SDK1: variants seen among roughly 807,000 people sequenced by gnomAD.
SDK1 encodes the protein protein sidekick-1.
A neutral mutation model predicts 245.5 loss-of-function variants in SDK1; 157 were observed. The ratio of observed to expected loss-of-function variants is 0.64; its 90% CI spans 0.56 to 0.73. SDK1 has a LOEUF of 0.73. Ranked by LOEUF, SDK1 falls within the 30% of genes least tolerant of loss-of-function variation. The probability of loss-of-function intolerance (pLI) is 0.00; values close to 1 mark genes in which losing one functional copy is unlikely to be tolerated. For missense variants in SDK1, 3,583 were observed against 3,002.3 expected, an observed-to-expected ratio of 1.19 and a Z score of -4.52; for synonymous variants, 1,647 against 1,278.5, an observed-to-expected ratio of 1.29 and a Z score of -6.15.
intron 19 of SDK1, among the ~76,000 whole-genome samples, chr7:4,060,617 T>C (rs1233319588): frequency 1.3e-5 from 2 of 152,136 alleles, no homozygotes; most frequent in Non-Finnish European, 2.9e-5. Flanking sequence ...TGGTAGTTTC[T>C]TTTGCTGTGC....
intron 1 of SDK1, among the ~76,000 whole-genome samples, chr7:3,391,722 C>T (rs1023240472): frequency 5.3e-5 from 8 of 150,390 alleles, no homozygotes; most frequent in South Asian, 2.1e-4. Flanking sequence ...CTGCAACCTC[C>T]GCTTGCCAGG....
chr7:4,104,473 T>C (rs1025717595), intron 22 of SDK1, among the ~76,000 whole-genome samples: 1 of 152,350 alleles, frequency 6.6e-6, no homozygotes, highest in Admixed American at 6.5e-5. Context: ...TGCTACCTCA[T>C]AGAAGATTGT....
intron 1 of SDK1, among the ~76,000 whole-genome samples, chr7:3,576,932 A>G (rs1278260326): frequency 6.6e-6 from 1 of 152,034 alleles, no homozygotes; most frequent in African/African-American, 2.4e-5. Context: ...CTGGTCGGGC[A>G]CCTGAAGAAA....
At chr7:3,494,538 TTATG>T (rs1781963707) in intron 1 of SDK1, among the ~76,000 whole-genome samples, 3 of 152,218 alleles carry the variant, frequency 2.0e-5, no homozygotes, top group Admixed American at 2.0e-4. Context: ...CACAGTGATG[TTATG>T]TATGAAGTGT....
At chr7:3,445,752 T>C (rs569701014) in intron 1 of SDK1, among the ~76,000 whole-genome samples, 20 of 152,272 alleles carry the variant, frequency 1.3e-4, no homozygotes, top group African/African-American at 4.6e-4. Flanking sequence ...AAGAATCACA[T>C]TAGACAATAT....
intron 1 of SDK1, among the ~76,000 whole-genome samples, chr7:3,494,925 C>G (rs56228709): frequency 0.097 from 14,704 of 152,242 alleles, 970 homozygotes; most frequent in African/African-American, 0.18. Flanking sequence ...TATCTGCAAC[C>G]ATGACCTCCC....
At chr7:3,797,427 C>T (rs1778988365) in intron 4 of SDK1, among the ~76,000 whole-genome samples, 1 of 150,468 alleles carries the variant, frequency 6.6e-6, no homozygotes, top group Non-Finnish European at 1.5e-5. Context: ...TAGCCCTATA[C>T]AGCCATGTAC....
intron 1 of SDK1, among the ~76,000 whole-genome samples, chr7:3,529,593 G>A (rs67955951): frequency 0.36 from 54,766 of 151,850 alleles, 10,195 homozygotes; most frequent in African/African-American, 0.46. Context: ...AATGGCTGAG[G>A]AAGGAAGGAG....
At chr7:3,953,167 A>T (rs553646279) in intron 7 of SDK1, among the ~76,000 whole-genome samples, 1 of 136,386 alleles carries the variant, frequency 7.3e-6, no homozygotes, top group Admixed American at 7.7e-5. Context: ...TTTGCAAAAT[A>T]AGGAAAAAAA....
chr7:3,355,573 C>A (rs947026378), intron 1 of SDK1, among the ~76,000 whole-genome samples: 1 of 152,162 alleles, frequency 6.6e-6, no homozygotes, highest in Non-Finnish European at 1.5e-5. Flanking sequence ...TAGATCTTCC[C>A]CATTCTTCTC....
chr7:4,210,911 A>T (rs979108452), intron 38 of SDK1, among the ~76,000 whole-genome samples: 6 of 152,186 alleles, frequency 3.9e-5, no homozygotes, highest in Non-Finnish European at 8.8e-5. Flanking sequence ...AAGAGACCGG[A>T]GTGACAAGGG....
intron 4 of SDK1, among the ~76,000 whole-genome samples, chr7:3,793,506 C>T (rs1159577080): frequency 6.6e-6 from 1 of 152,188 alleles, no homozygotes; most frequent in Non-Finnish European, 1.5e-5. Context: ...AGATAGTCTT[C>T]AGGTTTCTTT....
Position 4,210,105 on chromosome 7 carries a change from G to A in SDK1, c.5482G>A (p.Ala1828Thr). The A allele has an allele frequency of 6.2e-7, 1 of 1,609,864 alleles. No individual in the cohort carries two copies. The highest frequency in any genetic ancestry group is 8.5e-7 in the Non-Finnish European group (1 of 1,178,362). Reference protein sequence around the residue: ...LNVSWGEPAAANGILQGYRVV... With the variant: ...LNVSWGEPAATNGILQGYRVV... ...CGTGTCCTGGGGCGAGCCTGCGGCG[G>A]CCAACGGCATCCTGCAGGGCTATCG... The change falls in exon 38 of 45, where the codon GCC becomes ACC. Residue 1828 changes from alanine to threonine, a missense_variant. Physicochemically the swap from Ala to Thr is moderately conservative, Grantham distance 58. Transcript: ENST00000404826.
At position 3,809,061 on chromosome 7, in the gene SDK1, A is replaced by C. The variant is rs41880; in HGVS notation, c.714-12389A>C. Among the ~76,000 whole-genome samples, 5 of 152,036 alleles carry C rather than the reference A, an allele frequency of 3.3e-5. No individual in the cohort carries two copies. The East Asian group carries it at 9.7e-4, about 29-fold the overall frequency. Reference sequence around the variant, plus strand: ...AAGACGGGGTAATTTATAAAGAAAAAGGGTTGAATTGGCTCGTAGATCTGC... The same window carrying C: ...AAGACGGGGTAATTTATAAAGAAAACGGGTTGAATTGGCTCGTAGATCTGC... On this transcript the variant is annotated intron_variant, in intron 4 of 44. Coordinates refer to ENST00000404826, the MANE Select transcript of SDK1 (RefSeq NM_152744.4).
chr7:4,196,606 C>G (rs1037826024), intron 35 of SDK1, among the ~76,000 whole-genome samples: 1 of 152,142 alleles, frequency 6.6e-6, no homozygotes, highest in African/African-American at 2.4e-5. Flanking sequence ...CAGGGGAGCC[C>G]TCCTAGGCCC....
At chr7:3,955,238 G>A (rs963450545) in intron 7 of SDK1, among the ~76,000 whole-genome samples, 2 of 152,170 alleles carry the variant, frequency 1.3e-5, no homozygotes, top group African/African-American at 4.8e-5. Context: ...TGGCTTGGGG[G>A]CTGGCTCCTG....
In SDK1 at chr7:3,825,798, C is replaced by G. The variant is rs369294079; in HGVS notation, c.847+4215C>G. Among the ~76,000 whole-genome samples the G allele has an allele frequency of 4.6e-5, 7 of 152,286 alleles. 1 individual carries two copies. The East Asian group carries it at 1.4e-3, about 29-fold the overall frequency. ...CCCAGGTACAACTCTCTCCTATTTT[C>G]CTTGTACCGTTAACATTAAAGGGAG... On this transcript the variant is annotated intron_variant, in intron 5 of 44. Transcript: ENST00000404826.
intron 5 of SDK1, among the ~76,000 whole-genome samples, chr7:3,861,783 T>G (rs1264423127): frequency 6.6e-6 from 1 of 152,072 alleles, no homozygotes; most frequent in Non-Finnish European, 1.5e-5. Context: ...AATTTTACCC[T>G]CTCCCGTCAA....
chr7:4,088,612 T>C (rs1424468392), intron 22 of SDK1, among the ~76,000 whole-genome samples: 1 of 152,180 alleles, frequency 6.6e-6, no homozygotes, highest in Non-Finnish European at 1.5e-5. Context: ...TTCTCATCTA[T>C]TGAGCTGCTC....
Sources: allele counts gnomAD v4.1 joint callset (sites outside exome capture counted in the v4.1 genomes callset), GRCh38; gene constraint gnomAD v4.1.1; transcripts MANE v1.5; gene names NCBI Gene and HGNC (gene_info 2026-07-23, HGNC 2026-07-21).